MACROD1: variants seen among roughly 807,000 people sequenced by gnomAD.
MACROD1 encodes the protein mono-ADP ribosylhydrolase 1, also known as ADP-ribose glycohydrolase MACROD1.
In MACROD1, 31 loss-of-function variants were observed where a neutral mutation model predicts 41.4. The observed-to-expected ratio is 0.75, with a 90% confidence interval of 0.56 to 1.01. MACROD1 has a LOEUF of 1.01. MACROD1 is among the 50% of genes least tolerant of loss of function. MACROD1 has a pLI of 0.00. For missense variants in MACROD1, 473 were observed against 460.0 expected, an observed-to-expected ratio of 1.03 and a Z score of -0.26; for synonymous variants, 252 against 203.4, an observed-to-expected ratio of 1.24 and a Z score of -2.03.
chr11:64,095,968 T>C (rs1944568809), intron 3 of MACROD1, among the ~76,000 whole-genome samples: 1 of 57,900 alleles, frequency 1.7e-5, no homozygotes, highest in African/African-American at 4.7e-5. Context: ...TCTCCAGCAG[T>C]GGTCCCCCCA....
chr11:64,084,387 C>A (rs971580015), intron 3 of MACROD1, among the ~76,000 whole-genome samples: 5 of 152,204 alleles, frequency 3.3e-5, no homozygotes, highest in Non-Finnish European at 5.9e-5. Context: ...CCTGCTCTGC[C>A]CCCGCTGCCT....
chr11:64,038,072 G>A (rs984534797), intron 3 of MACROD1, among the ~76,000 whole-genome samples: 1 of 152,132 alleles, frequency 6.6e-6, no homozygotes, highest in African/African-American at 2.4e-5. Flanking sequence ...CCTCACGCTG[G>A]CCCTCAGTGG....
intron 3 of MACROD1, among the ~76,000 whole-genome samples, chr11:64,066,962 G>T (rs908960330): frequency 1.1e-4 from 16 of 152,198 alleles, no homozygotes; most frequent in Admixed American, 9.2e-4. Flanking sequence ...GCTACGGAGG[G>T]TCACACAGAG....
Position 64,013,069 on chromosome 11 carries a change from ATCC to A in MACROD1, c.547+2180_547+2182del, listed in dbSNP as rs375656861. ...GGTCTCAAATTCCTGGGCTCAAGCA[ATCC>A]TCCTGCCTCGGCCTCCCAAAGTGCT... is the stretch of plus-strand genomic sequence containing the variant. On this transcript the variant is annotated intron_variant, in intron 4 of 10. Coordinates refer to ENST00000255681, the MANE Select transcript of MACROD1 (RefSeq NM_014067.4). 5.4e-3 allele frequency among the ~76,000 whole-genome samples: 819 copies of A among 152,186 alleles called. 3 individuals carry two copies. Among genetic ancestry groups the A allele is most frequent in the South Asian group, 0.021 (99 of 4,810 alleles).
At chr11:64,047,285 C>T (rs756807521) in intron 3 of MACROD1, among the ~76,000 whole-genome samples, 1 of 152,140 alleles carries the variant, frequency 6.6e-6, no homozygotes. Context: ...AGATAAATGG[C>T]TTTCTTTGTA....
At chr11:64,005,318 G>A (rs1336569899) in intron 4 of MACROD1, among the ~76,000 whole-genome samples, 2 of 152,208 alleles carry the variant, frequency 1.3e-5, no homozygotes, top group Non-Finnish European at 2.9e-5. Flanking sequence ...GTGAGCCACC[G>A]CGCCCGGCCA....
chr11:64,123,574 C>G (rs995071336), intron 3 of MACROD1, among the ~76,000 whole-genome samples: 1 of 151,886 alleles, frequency 6.6e-6, no homozygotes, highest in African/African-American at 2.4e-5. Context: ...GGCACCTGCC[C>G]TGGCTTGGCT....
chr11:64,126,346 G>GAGAGA (rs1945180607), intron 3 of MACROD1, among the ~76,000 whole-genome samples: 1 of 152,174 alleles, frequency 6.6e-6, no homozygotes, highest in East Asian at 1.9e-4. Context: ...GAGAAGTGGG[G>GAGAGA]AGAGAGGTGA....
intron 3 of MACROD1, among the ~76,000 whole-genome samples, chr11:64,133,479 G>A (rs532087179): frequency 5.9e-5 from 9 of 152,060 alleles, no homozygotes; most frequent in Non-Finnish European, 8.8e-5. Flanking sequence ...CCGGGGCTGC[G>A]GCCGTGTGAA....
chr11:64,152,160 G>A (rs1945589716), intron 2 of MACROD1, 132 bp downstream of exon 2: 4 of 699,306 alleles, frequency 5.7e-6, no homozygotes, highest in Non-Finnish European at 1.0e-5. Context: ...TGAATGAGGT[G>A]ATACACGCGG....
chr11:64,055,228 G>A lies in MACROD1; in HGVS notation c.518-39947C>T, dbSNP rs931881237. 3.9e-5 allele frequency among the ~76,000 whole-genome samples: 6 copies of A among 152,248 alleles called. No homozygotes were observed. In the South Asian group the frequency reaches 1.2e-3, roughly 31 times the overall value. ...TGCTCCTCTGGGCCGGGAGCAGGGTGAGGGGCAGCCAGTAGCTTTGCCTCG... is the reference window on the plus strand; with the variant it reads ...TGCTCCTCTGGGCCGGGAGCAGGGTAAGGGGCAGCCAGTAGCTTTGCCTCG... On this transcript the variant is annotated intron_variant, in intron 3 of 10. Coordinates refer to ENST00000255681, the MANE Select transcript of MACROD1 (RefSeq NM_014067.4).
At chr11:64,001,673 G>A (rs1426539540) in intron 4 of MACROD1, 4 of 701,566 alleles carry the variant, frequency 5.7e-6, no homozygotes, top group Non-Finnish European at 1.0e-5. Context: ...CGCTGAGAAC[G>A]GCTCAGGCCT....
chr11:64,159,927 T>C (rs1232614166), intron 1 of MACROD1, among the ~76,000 whole-genome samples: 1 of 152,164 alleles, frequency 6.6e-6, no homozygotes, highest in Non-Finnish European at 1.5e-5. Context: ...CCTGAAGGTA[T>C]GTACATACCT....
chr11:64,072,874 T>C (rs899964902), intron 3 of MACROD1, among the ~76,000 whole-genome samples: 4 of 152,198 alleles, frequency 2.6e-5, no homozygotes, highest in African/African-American at 9.7e-5. Context: ...CACATAAACC[T>C]ACGTGTGGAG....
chr11:64,134,999 C>T (rs1005495943), intron 3 of MACROD1, among the ~76,000 whole-genome samples: 1 of 152,196 alleles, frequency 6.6e-6, no homozygotes, highest in Non-Finnish European at 1.5e-5. Flanking sequence ...CTGCCCCCTG[C>T]CTGGCTCCCG....
rs756252257 is a variant in MACROD1 at position 64,152,422 on chromosome 11, G to A, written c.299-29C>T. Reference sequence around the variant, plus strand: ...CAGAGGCAGGAAGGAGGATCAGGGTGGGGGCAGAGGAACGGGCCTGGGGCT... The same window carrying A: ...CAGAGGCAGGAAGGAGGATCAGGGTAGGGGCAGAGGAACGGGCCTGGGGCT... On this transcript the variant is annotated intron_variant, in intron 1 of 10. Coordinates refer to ENST00000255681, the MANE Select transcript of MACROD1 (RefSeq NM_014067.4). 1.8e-5 allele frequency: 29 copies of A among 1,573,198 alleles called. No homozygotes were observed. The South Asian group carries it at 2.7e-4, about 14-fold the overall frequency.
At position 64,017,947 on chromosome 11, in the gene MACROD1, A is replaced by G. The variant is rs577829081; in HGVS notation, c.518-2666T>C. On this transcript the variant is annotated intron_variant, in intron 3 of 10. Transcript: ENST00000255681. ...CAGTCCCCTGTGGGAAGGTGATGCC[A>G]TTCCCCTGCCCACCTGGCGCCCCCA... Among the ~76,000 whole-genome samples, 327 of 152,164 alleles carry G rather than the reference A, an allele frequency of 2.1e-3. 2 individuals carry two copies. Among genetic ancestry groups the G allele is most frequent in the African/African-American group, 7.3e-3 (304 of 41,464 alleles).
chr11:64,164,367 C>T (rs879457877), intron 1 of MACROD1, among the ~76,000 whole-genome samples: 5 of 152,242 alleles, frequency 3.3e-5, no homozygotes, highest in Non-Finnish European at 7.3e-5. Flanking sequence ...CTAAAAACAG[C>T]GGCAGCCCTC....
At position 64,146,624 on chromosome 11, in the gene MACROD1, C is replaced by T. The variant is rs1945499344; in HGVS notation, c.517+4615G>A. Among the ~76,000 whole-genome samples the T allele has an allele frequency of 6.6e-6, 1 of 152,136 alleles. No individual in the cohort carries two copies. The stretch of plus-strand genomic sequence containing the variant: ...CAAGCCCTGCCACCCGCCAGCCAGG[C>T]ATCCCCACTTCTATGCTTCTGCCCA... On this transcript the variant is annotated intron_variant, in intron 3 of 10. Transcript: ENST00000255681. The surrounding 1 kb of genome is among the most constrained non-coding windows in gnomAD (Gnocchi z 4.7).
Sources: gnomAD v4.1 joint callset for allele counts (sites outside exome capture counted in the v4.1 genomes callset) on GRCh38, gnomAD v4.1.1 for gene constraint, Gnocchi (gnomAD v3.1) non-coding constraint, MANE v1.5 for transcripts, NCBI Gene and HGNC (gene_info 2026-07-23, HGNC 2026-07-21) for gene names.